Variants in TET1 observed in about 807,000 individuals in gnomAD.
TET1 encodes methylcytosine dioxygenase TET1.
A neutral mutation model predicts 148.7 loss-of-function variants in TET1; 13 were observed. That is an observed-to-expected ratio of 0.09 (90% CI 0.06 to 0.14). The LOEUF (loss-of-function observed/expected upper bound fraction) is 0.14. Ranked by LOEUF, TET1 falls within the 10% of genes least tolerant of loss-of-function variation. The probability of loss-of-function intolerance (pLI) is 1.00; values close to 1 mark genes in which losing one functional copy is unlikely to be tolerated. For synonymous variants in TET1, 907 were observed against 937.2 expected (o/e 0.97, Z 0.59); for missense variants, 2,182 against 2,553.8 (o/e 0.85, Z 3.14).
In TET1 at chr10:68,686,380, A is replaced by C; in HGVS notation, c.5077A>C (p.Asn1693His). 6.2e-7 allele frequency: 1 copy of C among 1,609,332 alleles called. No individual in the cohort carries two copies. Among genetic ancestry groups the C allele is most frequent in the Non-Finnish European group, 8.5e-7 (1 of 1,177,180 alleles). Residue 1693 changes from asparagine (N) to histidine (H), a missense_variant, in exon 11 of 12, where the codon AAC becomes CAC. Transcript: ENST00000373644. ...GGTTTGTACCTTAACTCGAGAAGAT[A>C]ACCGCTCTTTGGGTGTTATTCCTCA... ...TVVCTLTRED[N>H]RSLGVIPQDE...
intron 6 of TET1, among the ~76,000 whole-genome samples, chr10:68,654,055 C>G (rs1014107357): frequency 4.8e-5 from 6 of 126,064 alleles, no homozygotes; most frequent in Non-Finnish European, 7.8e-5. Context: ...TGTAGTGAGC[C>G]AAGATCGGGC....
At chr10:68,600,792 T>C (rs1009484867) in intron 2 of TET1, among the ~76,000 whole-genome samples, 189 bp from the exon 3 acceptor site, 1 of 152,218 alleles carries the variant, frequency 6.6e-6, no homozygotes, top group Non-Finnish European at 1.5e-5. Flanking sequence ...TTCATCTTTA[T>C]GCAAGATTTT....
intron 3 of TET1, among the ~76,000 whole-genome samples, chr10:68,625,143 C>A (rs1312020312): frequency 6.6e-6 from 1 of 152,140 alleles, no homozygotes; most frequent in African/African-American, 2.4e-5. Context: ...GGATTTTACT[C>A]ATTTTCACTT....
rs190478805 is a variant in TET1 at position 68,621,429 on chromosome 10, C to T, written c.1968+20395C>T. Among the ~76,000 whole-genome samples the T allele has an allele frequency of 1.8e-3, 266 of 151,936 alleles. 8 individuals are homozygous for T. The highest frequency in any genetic ancestry group is 5.6e-4 in the Non-Finnish European group (38 of 67,982). ...TGAAACCCCGTATTTACTAAAAATA[C>T]AAAAATTAACTGAGCTTGGTGGCTT... On this transcript the variant is annotated intron_variant, in intron 3 of 11. Transcript: ENST00000373644.
At chr10:68,653,050 G>T (rs911458742) in intron 6 of TET1, among the ~76,000 whole-genome samples, 7 of 149,682 alleles carry the variant, frequency 4.7e-5, no homozygotes, top group East Asian at 3.9e-4. Flanking sequence ...TTTTTTTTTT[G>T]ACTGTAATCA....
chr10:68,661,196 AT>A (rs974912892), intron 6 of TET1, among the ~76,000 whole-genome samples: 1,246 of 78,622 alleles, frequency 0.016, 6 homozygotes, highest in African/African-American at 0.048. Flanking sequence ...CGCCTGGCTA[AT>A]TTTTTTTTTT....
At position 68,686,564 on chromosome 10, in the gene TET1, C is replaced by T; in HGVS notation, c.5261C>T (p.Ser1754Phe). Reference sequence around the variant, plus strand: ...TGTTTCACTCAGCCTGTTCCCCGTTCTGGAAAGAAGAGGGCTGCGATGATG... The same window carrying T: ...TGTTTCACTCAGCCTGTTCCCCGTTTTGGAAAGAAGAGGGCTGCGATGATG... ...RTCFTQPVPR[S>F]GKKRAAMMTE... Residue 1754 changes from serine to phenylalanine, a missense_variant, in exon 11 of 12, where the codon TCT becomes TTT. Coordinates refer to ENST00000373644, the MANE Select transcript of TET1 (RefSeq NM_030625.3). 6.2e-7 allele frequency: 1 copy of T among 1,614,146 alleles called. No individual in the cohort carries two copies. The highest frequency in any genetic ancestry group is 1.1e-5 in the South Asian group (1 of 91,070).
At position 68,593,017 on chromosome 10, in the gene TET1, C is replaced by T. The variant is rs183896657; in HGVS notation, c.1915-7964C>T. Among the ~76,000 whole-genome samples the T allele has an allele frequency of 3.9e-5, 6 of 151,930 alleles. No homozygotes were observed. In the East Asian group the frequency reaches 5.8e-4, roughly 15 times the overall value. On this transcript the variant is annotated intron_variant, in intron 2 of 11. Transcript: ENST00000373644. The stretch of plus-strand genomic sequence containing the variant: ...TTCAGAGGCCAAGGCAGGTGGATCA[C>T]GAGGTCAAGAGATCGAGACCATCCT...
At chr10:68,678,041 G>A (rs1310730090) in intron 8 of TET1, among the ~76,000 whole-genome samples, 5 of 151,198 alleles carry the variant, frequency 3.3e-5, no homozygotes, top group African/African-American at 7.3e-5. Flanking sequence ...GATTACAGGC[G>A]TGAGCCACCA....
At position 68,644,746 on chromosome 10, in the gene TET1, G is replaced by T; in HGVS notation, c.2017G>T (p.Asp673Tyr). ...AAATGGCCCCAAGTCAGAATCCATGGACTACAGTAGATGTGGTCATGGGGA... is the reference window on the plus strand; with the variant it reads ...AAATGGCCCCAAGTCAGAATCCATGTACTACAGTAGATGTGGTCATGGGGA... The part of the protein sequence containing the change: ...PVNGPKSESM[D>Y]YSRCGHGEEQ... Residue 673 changes from aspartate to tyrosine, a missense_variant, in exon 4 of 12, where the codon GAC becomes TAC. Around this residue, in one of 11 missense-constraint regions of TET1, gnomAD observed 226 missense variants for 307.4 expected, o/e 0.74. Coordinates refer to ENST00000373644, the MANE Select transcript of TET1 (RefSeq NM_030625.3). The T allele has an allele frequency of 6.2e-7, 1 of 1,601,720 alleles. No homozygotes were observed. The highest frequency in any genetic ancestry group is 1.1e-5 in the South Asian group (1 of 87,818).
chr10:68,652,042 G>A, intron 5 of TET1, 106 bp downstream of exon 5: 2 of 1,080,138 alleles, frequency 1.9e-6, no homozygotes, highest in Non-Finnish European at 2.7e-6. Context: ...ATGATCAGGA[G>A]TATGAGTTGG....
intron 3 of TET1, among the ~76,000 whole-genome samples, chr10:68,606,070 A>G (rs7068890): frequency 0.042 from 6,327 of 152,234 alleles, 451 homozygotes; most frequent in African/African-American, 0.14. Flanking sequence ...TTAAAATTCT[A>G]TTAAGCTATA....
chr10:68,584,226 G>C (rs1424588898), intron 2 of TET1, among the ~76,000 whole-genome samples: 3 of 150,792 alleles, frequency 2.0e-5, no homozygotes, highest in Admixed American at 2.0e-4. Context: ...ATTTTTATTA[G>C]AGATGGGGTT....
intron 6 of TET1, among the ~76,000 whole-genome samples, chr10:68,657,828 A>G (rs2055047877): frequency 1.3e-5 from 2 of 152,182 alleles, no homozygotes; most frequent in African/African-American, 4.8e-5. Context: ...ATGTCCATGA[A>G]GGAAGGTGGG....
At chr10:68,566,150 C>T (rs1378985823) in intron 1 of TET1, among the ~76,000 whole-genome samples, 1 of 152,158 alleles carries the variant, frequency 6.6e-6, no homozygotes, top group Non-Finnish European at 1.5e-5. Flanking sequence ...TCCCATGACA[C>T]CCTCTGGCAT....
intron 3 of TET1, among the ~76,000 whole-genome samples, chr10:68,604,096 T>A (rs2054092312): frequency 6.6e-6 from 1 of 152,190 alleles, no homozygotes; most frequent in Non-Finnish European, 1.5e-5. Flanking sequence ...TAGGTAGAGG[T>A]GTGGTCTAAT....
intron 1 of TET1, among the ~76,000 whole-genome samples, chr10:68,562,112 T>G (rs1391310814): frequency 6.6e-6 from 1 of 152,174 alleles, no homozygotes; most frequent in African/African-American, 2.4e-5. Context: ...TACACAGCCC[T>G]GGGCCGGCGG....
At chr10:68,639,329 G>A (rs2054703187) in intron 3 of TET1, among the ~76,000 whole-genome samples, 1 of 151,818 alleles carries the variant, frequency 6.6e-6, no homozygotes, top group Non-Finnish European at 1.5e-5. Flanking sequence ...GGCTGAGGCG[G>A]GAGAATCACT....
At chr10:68,566,462 A>G (rs2053608501) in intron 1 of TET1, among the ~76,000 whole-genome samples, 1 of 152,008 alleles carries the variant, frequency 6.6e-6, no homozygotes, top group Admixed American at 6.6e-5. Flanking sequence ...CTCACAGCCA[A>G]AGACTGAATT....
Sources: gnomAD v4.1 joint callset for allele counts (sites outside exome capture counted in the v4.1 genomes callset) on GRCh38, gnomAD v4.1.1 for gene constraint, gnomAD v4.1.1 regional missense constraint, MANE v1.5 for transcripts, NCBI Gene and HGNC (gene_info 2026-07-23, HGNC 2026-07-21) for gene names.